Variants in ENTHD1 observed in about 807,000 individuals in gnomAD.
The protein encoded by ENTHD1 is ENTH domain-containing protein 1.
A neutral mutation model predicts 39.1 loss-of-function variants in ENTHD1; 23 were observed. That is an observed-to-expected ratio of 0.59 (90% CI 0.42 to 0.83). The LOEUF (loss-of-function observed/expected upper bound fraction) is 0.83, where lower values mean the gene tolerates loss of function less well. Among genes scored for constraint, ENTHD1 ranks in the 40% least tolerant of loss-of-function variants. The pLI, the probability that ENTHD1 is intolerant of heterozygous loss-of-function variation, is 0.00. For missense variants in ENTHD1, 624 were observed against 705.4 expected, an observed-to-expected ratio of 0.88 and a Z score of 1.31; for synonymous variants, 230 against 258.2, an observed-to-expected ratio of 0.89 and a Z score of 1.05.
intron 3 of ENTHD1, among the ~76,000 whole-genome samples, chr22:39,845,814 A>G (rs2146694321): frequency 6.6e-6 from 1 of 151,724 alleles, no homozygotes; most frequent in Non-Finnish European, 1.5e-5. Flanking sequence ...AATTTTTTAT[A>G]TATTCTGGAT....
intron 5 of ENTHD1, among the ~76,000 whole-genome samples, chr22:39,785,591 G>A (rs147612825): frequency 2.2e-3 from 338 of 152,282 alleles, no homozygotes; most frequent in Non-Finnish European, 3.6e-3. Flanking sequence ...CATCCATGCC[G>A]TCTGTATGGC....
chr22:39,775,618 A>T (rs1408023329), intron 5 of ENTHD1, among the ~76,000 whole-genome samples: 2 of 152,164 alleles, frequency 1.3e-5, no homozygotes, highest in Non-Finnish European at 2.9e-5. Flanking sequence ...TAACAGCTTG[A>T]TGTGTACATG....
At chr22:39,751,816 G>GTTT (rs2065149655) in intron 6 of ENTHD1, among the ~76,000 whole-genome samples, 1 of 152,132 alleles carries the variant, frequency 6.6e-6, no homozygotes, top group South Asian at 2.1e-4. Context: ...AAAAGTAGAA[G>GTTT]TATTTAAAGA....
intron 3 of ENTHD1, among the ~76,000 whole-genome samples, chr22:39,855,111 C>G (rs773331073): frequency 6.6e-6 from 1 of 152,220 alleles, no homozygotes; most frequent in Non-Finnish European, 1.5e-5. Flanking sequence ...CTGTCTCTTA[C>G]AAGCTTCGTT....
rs59299623 is a variant in ENTHD1 at position 39,833,941 on chromosome 22, CAAAA to C, written c.711+1895_711+1898del. ...GTTGAAACAACTGGATATACTTGGG[CAAAA>C]AAAAAAAAAAAAAAAAAAATTAAAA... On this transcript the variant is annotated intron_variant, in intron 4 of 6. Coordinates refer to ENST00000325157, the MANE Select transcript of ENTHD1 (RefSeq NM_152512.4). 8.7e-3 allele frequency among the ~76,000 whole-genome samples: 1,023 copies of C among 117,922 alleles called. 42 individuals are homozygous for C. The East Asian group carries it at 0.18, about 21-fold the overall frequency. 77.4% of individuals were successfully genotyped at this position (117,922 alleles called of 152,430 possible).
chr22:39,752,268 ATCT>A (rs1397788943), intron 6 of ENTHD1, among the ~76,000 whole-genome samples: 1 of 152,228 alleles, frequency 6.6e-6, no homozygotes, highest in Non-Finnish European at 1.5e-5. Flanking sequence ...ACATGGATGA[ATCT>A]TGAAAATACT....
chr22:39,756,744 A>G (rs1425099846), intron 6 of ENTHD1, among the ~76,000 whole-genome samples: 1 of 152,192 alleles, frequency 6.6e-6, no homozygotes, highest in Non-Finnish European at 1.5e-5. Flanking sequence ...CTATTATTCA[A>G]CCAATCACCT....
intron 3 of ENTHD1, among the ~76,000 whole-genome samples, chr22:39,853,675 G>A (rs1481953518): frequency 6.6e-6 from 1 of 152,164 alleles, no homozygotes; most frequent in East Asian, 1.9e-4. Context: ...CCAGGTTCAA[G>A]CAATTCTCCT....
At chr22:39,783,530 C>T (rs540724956) in intron 5 of ENTHD1, among the ~76,000 whole-genome samples, 27 of 151,780 alleles carry the variant, frequency 1.8e-4, no homozygotes, top group Admixed American at 3.9e-4. Flanking sequence ...ACCAAATCAG[C>T]GTGAATAAAA....
At chr22:39,806,551 C>T (rs2065642344) in intron 5 of ENTHD1, among the ~76,000 whole-genome samples, 1 of 152,184 alleles carries the variant, frequency 6.6e-6, no homozygotes, top group African/African-American at 2.4e-5. Flanking sequence ...GATACTTATT[C>T]AGCTAACAGA....
At chr22:39,839,209 C>T (rs764416873) in intron 3 of ENTHD1, among the ~76,000 whole-genome samples, 6 of 151,936 alleles carry the variant, frequency 3.9e-5, no homozygotes, top group Admixed American at 6.6e-5. Context: ...TACTGAAAAG[C>T]GGTAATATAA....
chr22:39,826,975 G>T (rs867107777), intron 4 of ENTHD1, among the ~76,000 whole-genome samples: 1 of 151,882 alleles, frequency 6.6e-6, no homozygotes, highest in Middle Eastern at 3.4e-3. Context: ...AGCCTCCCTG[G>T]CGGCTGGGAC....
intron 5 of ENTHD1, among the ~76,000 whole-genome samples, chr22:39,809,377 G>A (rs1428957098): frequency 1.3e-5 from 2 of 152,308 alleles, no homozygotes; most frequent in African/African-American, 4.8e-5. Context: ...GAGTGAATGA[G>A]CAGAGAAGAG....
At chr22:39,747,093 C>T (rs1480700774) in intron 6 of ENTHD1, among the ~76,000 whole-genome samples, 1 of 152,082 alleles carries the variant, frequency 6.6e-6, no homozygotes, top group Non-Finnish European at 1.5e-5. Flanking sequence ...CTCAAGCGAT[C>T]CTCCCGCCTC....
chr22:39,869,788 T>A (rs1297766573), intron 2 of ENTHD1, among the ~76,000 whole-genome samples: 2 of 151,870 alleles, frequency 1.3e-5, no homozygotes, highest in Non-Finnish European at 2.9e-5. Context: ...TGACTCATAT[T>A]GACAACAAGG....
chr22:39,775,374 G>A (rs1002649960), intron 5 of ENTHD1, among the ~76,000 whole-genome samples: 2 of 152,110 alleles, frequency 1.3e-5, no homozygotes, highest in South Asian at 2.1e-4. Context: ...TAAGCTGGAT[G>A]ATTTGGTCAT....
chr22:39,747,664 G>C (rs1569122093), intron 6 of ENTHD1, among the ~76,000 whole-genome samples: 1 of 152,276 alleles, frequency 6.6e-6, no homozygotes, highest in South Asian at 2.1e-4. Flanking sequence ...AGAAGGATGA[G>C]AGGCTATATC....
chr22:39,845,466 C>A (rs2065979420), intron 3 of ENTHD1, among the ~76,000 whole-genome samples: 2 of 152,020 alleles, frequency 1.3e-5, no homozygotes, highest in African/African-American at 4.8e-5. Context: ...ACTAAACAAA[C>A]ACATTCCGGT....
intron 6 of ENTHD1, among the ~76,000 whole-genome samples, chr22:39,758,940 A>G (rs1443675209): frequency 6.6e-6 from 1 of 152,180 alleles, no homozygotes; most frequent in Non-Finnish European, 1.5e-5. Flanking sequence ...AACCAACCTT[A>G]TAATTCGGGG....
Sources: gnomAD v4.1 joint callset for allele counts (sites outside exome capture counted in the v4.1 genomes callset) on GRCh38, gnomAD v4.1.1 for gene constraint, MANE v1.5 for transcripts, NCBI Gene and HGNC (gene_info 2026-07-23, HGNC 2026-07-21) for gene names.